The following DOCK3 variants were observed in gnomAD, a reference collection of about 807,000 sequenced individuals.
The protein encoded by DOCK3 is dedicator of cytokinesis 3, also known as dedicator of cytokinesis protein 3.
A neutral mutation model predicts 265.6 loss-of-function variants in DOCK3; 60 were observed. The ratio of observed to expected loss-of-function variants is 0.23; its 90% CI spans 0.18 to 0.28. The LOEUF is 0.28. DOCK3 is among the 10% of genes least tolerant of loss of function. DOCK3 has a pLI of 1.00. For missense variants in DOCK3, 1,981 were observed against 2,594.3 expected, an observed-to-expected ratio of 0.76 and a Z score of 5.14; for synonymous variants, 881 against 938.0, an observed-to-expected ratio of 0.94 and a Z score of 1.11.
At chr3:50,782,289 A>ATTTT (rs71084112) in intron 2 of DOCK3, among the ~76,000 whole-genome samples, 1,841 of 109,996 alleles carry the variant, frequency 0.017, 122 homozygotes, top group Non-Finnish European at 0.019. Flanking sequence ...AGTACCTGTT[A>ATTTT]TTTTTTTTTT....
At chr3:51,272,347 G>A (rs1365989097) in intron 24 of DOCK3, among the ~76,000 whole-genome samples, 1 of 149,984 alleles carries the variant, frequency 6.7e-6, no homozygotes, top group Non-Finnish European at 1.5e-5. Context: ...CATGATCTCA[G>A]CTCACCGCAG....
intron 10 of DOCK3, among the ~76,000 whole-genome samples, chr3:51,152,712 A>G (rs1453016229): frequency 1.3e-5 from 2 of 152,160 alleles, no homozygotes; most frequent in East Asian, 1.9e-4. Context: ...TGTTGATGCT[A>G]TTCCCTTCTG....
At chr3:51,265,055 C>T (rs1395637416) in intron 23 of DOCK3, among the ~76,000 whole-genome samples, 2 of 152,050 alleles carry the variant, frequency 1.3e-5, no homozygotes, top group Non-Finnish European at 2.9e-5. Context: ...AAACTACCAT[C>T]AGAGAATACT....
chr3:50,898,638 A>G (rs1044643626), intron 4 of DOCK3: 5 of 152,216 alleles, frequency 3.3e-5, no homozygotes, highest in Non-Finnish European at 5.9e-5. Context: ...TTCCCCCTAC[A>G]CACTGCTTTA....
At chr3:50,686,507 G>C (rs2034809200) in intron 1 of DOCK3, among the ~76,000 whole-genome samples, 1 of 152,186 alleles carries the variant, frequency 6.6e-6, no homozygotes, top group South Asian at 2.1e-4. Flanking sequence ...TTCCTTCCCA[G>C]TTTGGGGGTC....
intron 5 of DOCK3, among the ~76,000 whole-genome samples, chr3:51,059,706 G>C (rs541904080): frequency 8.2e-4 from 124 of 152,052 alleles, no homozygotes; most frequent in Non-Finnish European, 1.2e-3. Context: ...GCAGTCAGAG[G>C]AAAATTTTAG....
At chr3:51,176,663 TAG>T (rs1055275463) in intron 12 of DOCK3, among the ~76,000 whole-genome samples, 3 of 151,818 alleles carry the variant, frequency 2.0e-5, no homozygotes, top group African/African-American at 7.3e-5. Context: ...TAGGCAAACA[TAG>T]AGTCTTAATA....
chr3:51,240,165 A>T (rs1266571602), intron 21 of DOCK3, among the ~76,000 whole-genome samples: 1 of 152,232 alleles, frequency 6.6e-6, no homozygotes, highest in African/African-American at 2.4e-5. Flanking sequence ...AATTAGTTTC[A>T]AAGAACTTGT....
chr3:50,837,935 T>C (rs2045606339), intron 2 of DOCK3, among the ~76,000 whole-genome samples: 1 of 152,210 alleles, frequency 6.6e-6, no homozygotes, highest in Non-Finnish European at 1.5e-5. Context: ...GTGGTGGAAG[T>C]TGAGATCAGC....
chr3:51,032,371 T>C (rs1227010629), intron 5 of DOCK3, among the ~76,000 whole-genome samples: 1 of 152,188 alleles, frequency 6.6e-6, no homozygotes, highest in African/African-American at 2.4e-5. Context: ...TACTAAACTT[T>C]TTTATTGAGA....
chr3:50,979,691 C>T (rs1332319284), intron 5 of DOCK3, among the ~76,000 whole-genome samples: 1 of 152,146 alleles, frequency 6.6e-6, no homozygotes, highest in Non-Finnish European at 1.5e-5. Flanking sequence ...AATTACCCAG[C>T]CTCAGGTATA....
chr3:50,679,607 G>C (rs892935576), intron 1 of DOCK3, among the ~76,000 whole-genome samples: 1 of 152,152 alleles, frequency 6.6e-6, no homozygotes, highest in African/African-American at 2.4e-5. Flanking sequence ...ATAGATCCTT[G>C]AAACCAGATC....
rs1246046642 is a variant in DOCK3, at chr3:51,356,272, A to G, written c.4416+17A>G. 1 of 1,467,568 alleles carries G rather than the reference A, an allele frequency of 6.8e-7. No homozygotes were observed. The allele number at this position is 1,467,568 out of a possible 1,614,324, so 90.9% of individuals were successfully genotyped here. A position where few individuals can be genotyped will look rare whatever the true frequency, so the allele number is the denominator to read the frequency against. On this transcript the variant is annotated intron_variant, in intron 42 of 52. Coordinates refer to ENST00000266037, the MANE Select transcript of DOCK3 (RefSeq NM_004947.5). ...GAATTCAAGGTGAACAAATCTAGGA[A>G]AACGGGCAGTACACACAGCAAGTCC...
At chr3:51,232,587 A>C (rs1179014552) in intron 19 of DOCK3, among the ~76,000 whole-genome samples, 5 of 152,182 alleles carry the variant, frequency 3.3e-5, no homozygotes, top group Non-Finnish European at 5.9e-5. Context: ...GTAAGGTGGT[A>C]TCTCATTGTG....
intron 3 of DOCK3, among the ~76,000 whole-genome samples, chr3:50,866,348 G>C (rs891377176): frequency 2.0e-5 from 3 of 152,114 alleles, no homozygotes; most frequent in African/African-American, 7.2e-5. Flanking sequence ...AGCTGGGCGT[G>C]GTGGCATGTG....
Position 51,297,242 on chromosome 3 carries a change from C to T in DOCK3, c.2923-12990C>T, listed in dbSNP as rs560720059. ...AAATGTAAAAGCTAAAACTATGAAA[C>T]TCTTGGAAGAAAATGTAGTATATCT... On this transcript the variant is annotated intron_variant, in intron 27 of 52. Transcript: ENST00000266037. Among the ~76,000 whole-genome samples, 153 of 150,276 alleles carry T rather than the reference C, an allele frequency of 1.0e-3. 4 individuals carry two copies. The South Asian group carries it at 0.031, about 31-fold the overall frequency.
At position 50,847,882 on chromosome 3, in the gene DOCK3, CAAAAAAAA is replaced by C. The variant is rs3043428; in HGVS notation, c.162+6181_162+6188del. On this transcript the variant is annotated intron_variant, in intron 3 of 52. Coordinates refer to ENST00000266037, the MANE Select transcript of DOCK3 (RefSeq NM_004947.5). ...TGGGTGACAGAACGAGGCTCCATTTCAAAAAAAAAAAAAAAAAAAAATCCCCCACAGTT... is the reference window on the plus strand; with the variant it reads ...TGGGTGACAGAACGAGGCTCCATTTCAAAAAAAAAAAAATCCCCCACAGTT... Among the ~76,000 whole-genome samples the C allele has an allele frequency of 5.6e-4, 55 of 97,618 alleles. No homozygotes were observed. In the East Asian group the frequency reaches 8.3e-3, roughly 15 times the overall value. 64.0% of individuals were successfully genotyped at this position (97,618 alleles called of 152,430 possible).
At chr3:51,017,152 C>T (rs375551330) in intron 5 of DOCK3, among the ~76,000 whole-genome samples, 2 of 149,526 alleles carry the variant, frequency 1.3e-5, no homozygotes, top group Middle Eastern at 3.4e-3. Context: ...CTAGGTTTTT[C>T]AATTTATTGG....
intron 5 of DOCK3, among the ~76,000 whole-genome samples, chr3:51,029,969 G>A (rs1002570427): frequency 2.0e-5 from 3 of 152,192 alleles, no homozygotes; most frequent in Admixed American, 2.0e-4. Flanking sequence ...CTGGGACACG[G>A]GGTCGGGGGG....
Sources: gnomAD v4.1 joint callset for allele counts (sites outside exome capture counted in the v4.1 genomes callset) on GRCh38, gnomAD v4.1.1 for gene constraint, MANE v1.5 for transcripts, NCBI Gene and HGNC (gene_info 2026-07-23, HGNC 2026-07-21) for gene names.